The following BTD variants were observed in gnomAD, a reference collection of about 807,000 sequenced individuals.
The protein encoded by BTD is biocytinase.
In BTD, 13 loss-of-function variants were observed where a neutral mutation model predicts 17.7. The ratio of observed to expected loss-of-function variants is 0.74; its 90% CI spans 0.48 to 1.17. The LOEUF (loss-of-function observed/expected upper bound fraction) is 1.17, where lower values mean the gene tolerates loss of function less well. Ranked by LOEUF, BTD falls within the 50% of genes most tolerant of loss-of-function variation. The pLI, the probability that BTD is intolerant of heterozygous loss-of-function variation, is 0.00. For missense variants in BTD, 674 were observed against 650.4 expected (o/e 1.04, Z -0.39); for synonymous variants, 240 against 245.2 (o/e 0.98, Z 0.20).
rs2065774489 is a variant in BTD, at chr3:15,649,882, C to G, written c.*4394C>G. 6.6e-6 allele frequency among the ~76,000 whole-genome samples: 1 copy of G among 152,228 alleles called. No individual in the cohort carries two copies. Among genetic ancestry groups the G allele is most frequent in the South Asian group, 2.1e-4 (1 of 4,834 alleles). On this transcript the variant is annotated 3_prime_UTR_variant, in exon 4 of 4. Transcript: ENST00000643237. Reference sequence around the variant, plus strand: ...AGCCACCTAGTAGTGAGTGACAGCTCTGTGCTGGATGCACATAAATGGTCT... The same window carrying G: ...AGCCACCTAGTAGTGAGTGACAGCTGTGTGCTGGATGCACATAAATGGTCT...
At chr3:15,683,651 A>G (rs2067778634) in intron 3 of BTD, 1 of 152,230 alleles carries the variant, frequency 6.6e-6, no homozygotes, top group Non-Finnish European at 1.5e-5. Context: ...ACAAACCTCA[A>G]GAACCCAAAA....
intron 2 of BTD, among the ~76,000 whole-genome samples, chr3:15,636,442 C>T (rs1412269577): frequency 5.3e-5 from 8 of 152,192 alleles, no homozygotes; most frequent in Non-Finnish European, 1.0e-4. Flanking sequence ...AGAGGCCCCC[C>T]TGGGGGCAAA....
intron 1 of BTD, among the ~76,000 whole-genome samples, chr3:15,620,414 C>G (rs569602213): frequency 1.3e-5 from 2 of 152,294 alleles, no homozygotes; most frequent in African/African-American, 4.8e-5. Context: ...CTTGCACATC[C>G]ATTTATAGGC....
chr3:15,619,923 G>A (rs919330087), intron 1 of BTD, among the ~76,000 whole-genome samples: 1 of 152,174 alleles, frequency 6.6e-6, no homozygotes, highest in African/African-American at 2.4e-5. Context: ...AGGGGAGGGA[G>A]TGTAAGAACA....
chr3:15,696,038 A>G (rs2069500747), intron 3 of BTD: 3 of 858,638 alleles, frequency 3.5e-6, no homozygotes, highest in African/African-American at 3.4e-5. Flanking sequence ...AAAAAACAAA[A>G]TGGAATTTGT....
At chr3:15,671,409 T>G (rs1249354403) in intron 3 of BTD, among the ~76,000 whole-genome samples, 2 of 152,070 alleles carry the variant, frequency 1.3e-5, no homozygotes, top group East Asian at 3.8e-4. Flanking sequence ...TAACATACAT[T>G]TGTATAACCA....
intron 1 of BTD, chr3:15,632,986 C>T (rs891394372): frequency 2.0e-5 from 3 of 152,108 alleles, no homozygotes; most frequent in Admixed American, 1.3e-4. Context: ...GTTCCAGGAC[C>T]CCGTGGATAC....
chr3:15,709,868 T>C, intron 3 of BTD: 1 of 568,214 alleles, frequency 1.8e-6, no homozygotes, highest in Non-Finnish European at 3.1e-6. Flanking sequence ...TTACATTCTA[T>C]GAAGAATAAA....
intron 1 of BTD, among the ~76,000 whole-genome samples, chr3:15,625,692 A>AGG (rs1202132555): frequency 1.3e-5 from 2 of 152,102 alleles, no homozygotes. Flanking sequence ...AGTAGCTGGG[A>AGG]CTACAGGCAC....
At chr3:15,675,930 T>G in intron 3 of BTD, 1 of 1,613,068 alleles carries the variant, frequency 6.2e-7, no homozygotes, top group Non-Finnish European at 8.5e-7. Context: ...ACTTGCTCCT[T>G]TTCCCAAAAG....
At chr3:15,602,378 C>G in intron 1 of BTD, 2 of 947,100 alleles carry the variant, frequency 2.1e-6, no homozygotes, top group Non-Finnish European at 2.5e-6. Context: ...AATATCTTTC[C>G]AAAATTAGGA....
chr3:15,642,910 C>A (rs2065563215), intron 3 of BTD, among the ~76,000 whole-genome samples: 1 of 151,556 alleles, frequency 6.6e-6, no homozygotes, highest in African/African-American at 2.4e-5. Context: ...CACCTGTAAT[C>A]CCAGCTACTT....
intron 3 of BTD, among the ~76,000 whole-genome samples, chr3:15,699,807 C>T (rs565284089): frequency 5.3e-5 from 8 of 152,174 alleles, no homozygotes; most frequent in Non-Finnish European, 1.2e-4. Flanking sequence ...TTAGTTCAAC[C>T]ATTGTGGAAG....
intron 2 of BTD, among the ~76,000 whole-genome samples, chr3:15,639,028 G>A (rs1204079908): frequency 6.6e-6 from 1 of 152,176 alleles, no homozygotes; most frequent in Non-Finnish European, 1.5e-5. Flanking sequence ...GAAAAACGGA[G>A]TCTAGTTTCA....
Position 15,645,007 on chromosome 3 carries a change from C to T in BTD, c.1091C>T (p.Thr364Ile). The change falls in exon 4 of 4, where the codon ACC (threonine) becomes ATC (isoleucine). Residue 364 changes from threonine to isoleucine, a missense_variant. Physicochemically the swap from Thr to Ile is moderately conservative, Grantham distance 89. Transcript: ENST00000643237. ...CAGGAAGTCCACTGTGATGAGGCCA[C>T]CAAGTGGAACGTGAATGCTCCTCCC... ...DAQEVHCDEA[T>I]KWNVNAPPTF... The T allele has an allele frequency of 6.2e-7, 1 of 1,614,150 alleles. No individual in the cohort carries two copies. The highest frequency in any genetic ancestry group is 8.5e-7 in the Non-Finnish European group (1 of 1,180,026).
chr3:15,669,650 A>G (rs2066168982), intron 3 of BTD: 1 of 152,392 alleles, frequency 6.6e-6, no homozygotes. Context: ...TTAATACAGC[A>G]TTGGAAGGCT....
chr3:15,686,124 G>A, intron 3 of BTD: 6 of 1,611,238 alleles, frequency 3.7e-6, no homozygotes, highest in Non-Finnish European at 5.1e-6. Context: ...GGCGTCCTGA[G>A]CAACAACAGG....
intron 3 of BTD, chr3:15,669,564 T>C (rs1169511677): frequency 6.6e-6 from 1 of 152,128 alleles, no homozygotes; most frequent in African/African-American, 2.4e-5. Flanking sequence ...TTAATTCTAA[T>C]AGTATAAAAA....
downstream of BTD, among the ~76,000 whole-genome samples, chr3:15,654,737 A>C (rs934891880): frequency 1.3e-5 from 2 of 149,144 alleles, no homozygotes. Context: ...ACACTTGGCT[A>C]ATTTTTTTTT....
Sources: allele counts gnomAD v4.1 joint callset (sites outside exome capture counted in the v4.1 genomes callset), GRCh38; gene constraint gnomAD v4.1.1; transcripts MANE v1.5; gene names NCBI Gene and HGNC (gene_info 2026-07-23, HGNC 2026-07-21).